Variants in RMST observed in about 807,000 individuals in gnomAD.
RMST encodes the protein long intergenic non-protein coding RNA 54.
chr12:97,558,030 CGTT>C, intron 11 of RMST, among the ~76,000 whole-genome samples: 1 of 152,104 alleles, frequency 6.6e-6, no homozygotes, highest in East Asian at 1.9e-4. Flanking sequence ...TCGTTGCAAT[CGTT>C]GGTGTTTTTA....
intron 4 of RMST, among the ~76,000 whole-genome samples, chr12:97,463,782 G>T (rs989894573): frequency 2.6e-5 from 4 of 152,142 alleles, no homozygotes; most frequent in Middle Eastern, 3.4e-3. Context: ...TTTCAACATA[G>T]ATTTAACTGT....
At chr12:97,528,723 C>G (rs1473573624) in intron 10 of RMST, among the ~76,000 whole-genome samples, 1 of 151,960 alleles carries the variant, frequency 6.6e-6, no homozygotes, top group Non-Finnish European at 1.5e-5. Flanking sequence ...ATTTTTGTAT[C>G]ATTTAATTTT....
intron 11 of RMST, among the ~76,000 whole-genome samples, chr12:97,544,448 T>G (rs1882784131): frequency 6.6e-6 from 1 of 152,034 alleles, no homozygotes; most frequent in Non-Finnish European, 1.5e-5. Flanking sequence ...CCTTAAAAAC[T>G]GGTGAAAATC....
chr12:97,464,593 G>A (rs1219241122), intron 4 of RMST, among the ~76,000 whole-genome samples: 1 of 152,140 alleles, frequency 6.6e-6, no homozygotes, highest in Non-Finnish European at 1.5e-5. Flanking sequence ...TGTAATGGGT[G>A]CAGGGTGATC....
chr12:97,496,935 C>CTGAGATG (rs1877496554), intron 10 of RMST, among the ~76,000 whole-genome samples: 1 of 152,150 alleles, frequency 6.6e-6, no homozygotes, highest in African/African-American at 2.4e-5. Context: ...GACTAAAGTT[C>CTGAGATG]TGAGATGTGT....
chr12:97,560,041 T>C (rs1024129507), intron 11 of RMST, among the ~76,000 whole-genome samples: 2 of 152,330 alleles, frequency 1.3e-5, no homozygotes, highest in East Asian at 1.9e-4. Context: ...TCTTTATTTA[T>C]GGTTTCAGCA....
intron 11 of RMST, among the ~76,000 whole-genome samples, chr12:97,535,202 T>A (rs960495533): frequency 6.6e-6 from 1 of 151,678 alleles, no homozygotes; most frequent in African/African-American, 2.4e-5. Flanking sequence ...AGTGTCCCAA[T>A]GTTAACTTTC....
chr12:97,519,576 C>T (rs545490255), intron 10 of RMST, among the ~76,000 whole-genome samples: 37 of 152,220 alleles, frequency 2.4e-4, no homozygotes, highest in Admixed American at 1.1e-3. Context: ...ATTTTTTCCC[C>T]AGTAGATCTA....
intron 11 of RMST, among the ~76,000 whole-genome samples, chr12:97,555,141 G>A (rs880577): frequency 0.096 from 14,571 of 152,104 alleles, 1,436 homozygotes; most frequent in African/African-American, 0.25. Flanking sequence ...CCCCCCAAAA[G>A]ACCTGTAAAC....
At chr12:97,526,598 G>C (rs1565931928) in intron 10 of RMST, among the ~76,000 whole-genome samples, 1 of 152,150 alleles carries the variant, frequency 6.6e-6, no homozygotes, top group African/African-American at 2.4e-5. Context: ...AAATAACCAA[G>C]TAGCATAGGA....
At chr12:97,505,808 T>C (rs1565926043) in intron 10 of RMST, among the ~76,000 whole-genome samples, 1 of 152,220 alleles carries the variant, frequency 6.6e-6, no homozygotes, top group Non-Finnish European at 1.5e-5. Flanking sequence ...AGATGTCTAC[T>C]TATAAAATCC....
chr12:97,498,224 C>T (rs1877675976), intron 10 of RMST, among the ~76,000 whole-genome samples: 1 of 152,150 alleles, frequency 6.6e-6, no homozygotes, highest in African/African-American at 2.4e-5. Flanking sequence ...GGGGCTTTGG[C>T]TTCCTTGCTA....
intron 11 of RMST, among the ~76,000 whole-genome samples, chr12:97,554,626 G>T (rs58472135): frequency 0.016 from 2,442 of 152,112 alleles, 55 homozygotes; most frequent in African/African-American, 0.056. Flanking sequence ...AATTATTCAG[G>T]TGAGATAGAA....
At chr12:97,485,264 T>G (rs1419645550) in intron 5 of RMST, among the ~76,000 whole-genome samples, 1 of 152,216 alleles carries the variant, frequency 6.6e-6, no homozygotes, top group Non-Finnish European at 1.5e-5. Context: ...ATCATAATTA[T>G]GACCCTTAGG....
At chr12:97,465,259 CG>C (rs1475722422) in intron 4 of RMST, among the ~76,000 whole-genome samples, 2 of 152,140 alleles carry the variant, frequency 1.3e-5, no homozygotes, top group Admixed American at 1.3e-4. Context: ...GGCTCTGCTA[CG>C]GGCGGCTCTG....
rs561270202 is a variant in RMST, at chr12:97,521,149, CT to C, written n.1341-9505del. 1.8e-3 allele frequency among the ~76,000 whole-genome samples: 268 copies of C among 152,244 alleles called. 1 individual carries two copies. Among genetic ancestry groups the C allele is most frequent in the African/African-American group, 6.2e-3 (258 of 41,566 alleles). On this transcript the variant is annotated intron_variant and non_coding_transcript_variant, in intron 10 of 13. Coordinates refer to ENST00000640149, the Ensembl canonical transcript of RMST. ...TATGATTAATTGAGCCAGAAAGTAT[CT>C]GCTTTTATATGAGTGACCTTTGATA...
chr12:97,491,032 G>A (rs1876736551), intron 5 of RMST, among the ~76,000 whole-genome samples: 1 of 152,234 alleles, frequency 6.6e-6, no homozygotes, highest in Non-Finnish European at 1.5e-5. Flanking sequence ...TTGGGGTGAT[G>A]TTGATAGAAG....
At chr12:97,532,444 A>C (rs1385482631) in intron 11 of RMST, among the ~76,000 whole-genome samples, 1 of 151,896 alleles carries the variant, frequency 6.6e-6, no homozygotes, top group Non-Finnish European at 1.5e-5. Flanking sequence ...GAATAGAAAT[A>C]AGTAGATGAA....
At chr12:97,516,641 T>C (rs1879965924) in intron 10 of RMST, among the ~76,000 whole-genome samples, 1 of 152,058 alleles carries the variant, frequency 6.6e-6, no homozygotes, top group Non-Finnish European at 1.5e-5. Flanking sequence ...TAAATCTTCC[T>C]AATTATATAG....
Sources: allele counts gnomAD v4.1 joint callset (sites outside exome capture counted in the v4.1 genomes callset), GRCh38; gene constraint gnomAD v4.1.1; transcripts MANE v1.5; gene names NCBI Gene and HGNC (gene_info 2026-07-23, HGNC 2026-07-21).